Variants in CDH13 observed in about 807,000 individuals in gnomAD.
The protein encoded by CDH13 is cadherin 13.
CDH13 carries 24 observed loss-of-function variants against 63.8 expected under a neutral mutation model. The observed-to-expected ratio is 0.38, with a 90% CI of 0.27 to 0.53. The LOEUF (loss-of-function observed/expected upper bound fraction) is 0.53, where lower values mean the gene tolerates loss of function less well. Ranked by LOEUF, CDH13 falls within the 20% of genes least tolerant of loss-of-function variation. The probability of loss-of-function intolerance (pLI) is 0.85; values close to 1 mark genes in which losing one functional copy is unlikely to be tolerated. For missense variants in CDH13, 1,049 were observed against 903.1 expected, an observed-to-expected ratio of 1.16 and a Z score of -2.07; for synonymous variants, 503 against 355.3, an observed-to-expected ratio of 1.42 and a Z score of -4.67.
intron 5 of CDH13, among the ~76,000 whole-genome samples, chr16:83,232,038 C>T (rs916248576): frequency 2.0e-5 from 3 of 151,184 alleles, no homozygotes; most frequent in Admixed American, 6.6e-5. Context: ...GGACACAAGG[C>T]GGGCTTTTCA....
intron 10 of CDH13, among the ~76,000 whole-genome samples, chr16:83,704,755 C>T (rs13380665): frequency 0.19 from 28,663 of 152,048 alleles, 3,281 homozygotes; most frequent in African/African-American, 0.33. Context: ...AATGGTACTA[C>T]AATAGAAAAA....
At chr16:83,672,139 C>T (rs1381494295) in intron 9 of CDH13, among the ~76,000 whole-genome samples, 1 of 152,220 alleles carries the variant, frequency 6.6e-6, no homozygotes, top group Non-Finnish European at 1.5e-5. Flanking sequence ...TTCTGTGCAC[C>T]AGTTTCCTCA....
At chr16:83,703,039 C>G (rs1906483753) in intron 10 of CDH13, among the ~76,000 whole-genome samples, 1 of 152,210 alleles carries the variant, frequency 6.6e-6, no homozygotes, top group Admixed American at 6.5e-5. Context: ...GCCTATGTTT[C>G]CTTGGTTCCA....
intron 7 of CDH13, among the ~76,000 whole-genome samples, chr16:83,577,691 C>G (rs897504745): frequency 6.6e-6 from 1 of 152,178 alleles, no homozygotes; most frequent in Non-Finnish European, 1.5e-5. Flanking sequence ...CATCCGTCAC[C>G]CTGTGATGGA....
chr16:82,698,326 A>G (rs1314044058), intron 1 of CDH13, among the ~76,000 whole-genome samples: 1 of 152,248 alleles, frequency 6.6e-6, no homozygotes, highest in Non-Finnish European at 1.5e-5. Flanking sequence ...GTGAAGACCA[A>G]GGCAAAGAAC....
chr16:83,109,775 A>G (rs2034970079), intron 3 of CDH13, among the ~76,000 whole-genome samples: 1 of 152,240 alleles, frequency 6.6e-6, no homozygotes, highest in Admixed American at 6.5e-5. Context: ...ATATTTTATC[A>G]GTGCCAGAGC....
intron 5 of CDH13, among the ~76,000 whole-genome samples, chr16:83,344,122 G>A (rs888533859): frequency 1.3e-4 from 20 of 152,196 alleles, no homozygotes; most frequent in African/African-American, 4.6e-4. Context: ...TACTCTTATC[G>A]CTGAGTTAAA....
chr16:83,205,802 A>G (rs888337710), intron 4 of CDH13, among the ~76,000 whole-genome samples: 1 of 151,942 alleles, frequency 6.6e-6, no homozygotes, highest in East Asian at 1.9e-4. Context: ...ACGGGGTTTC[A>G]TTATGTTGGC....
intron 1 of CDH13, among the ~76,000 whole-genome samples, chr16:82,793,631 C>T (rs114840777): frequency 0.011 from 1,672 of 152,146 alleles, 24 homozygotes; most frequent in African/African-American, 0.033. Flanking sequence ...TTTTTATGCC[C>T]GATATAGTAA....
At chr16:82,708,449 C>G (rs1201830271) in intron 1 of CDH13, among the ~76,000 whole-genome samples, 2 of 152,194 alleles carry the variant, frequency 1.3e-5, no homozygotes, top group Non-Finnish European at 2.9e-5. Context: ...TTCTCTAGCT[C>G]TCACTCTCCA....
Position 82,773,724 on chromosome 16 carries a change from T to A in CDH13, c.46-84638T>A, listed in dbSNP as rs139925477. On this transcript the variant is annotated intron_variant, in intron 1 of 13. Coordinates refer to ENST00000567109, the MANE Select transcript of CDH13 (RefSeq NM_001257.5). ...ACTGAAAATAAATCTTGCCTTATGT[T>A]GCCAACATTGCATTTTTTTTTCTTT... Among the ~76,000 whole-genome samples the A allele has an allele frequency of 1.2e-3, 190 of 152,314 alleles. 1 individual carries two copies. Among genetic ancestry groups the A allele is most frequent in the East Asian group, 3.9e-3 (20 of 5,186 alleles).
intron 1 of CDH13, among the ~76,000 whole-genome samples, chr16:82,729,655 A>C (rs1388007067): frequency 6.6e-6 from 1 of 152,196 alleles, no homozygotes; most frequent in East Asian, 1.9e-4. Context: ...GTCAATGAGC[A>C]TTGGCTTCAA....
intron 3 of CDH13, among the ~76,000 whole-genome samples, chr16:83,065,324 C>A (rs1442622018): frequency 6.6e-6 from 1 of 152,132 alleles, no homozygotes; most frequent in Admixed American, 6.6e-5. Context: ...GTGAGTTGAT[C>A]AGCTATGTTG....
At chr16:83,670,614 TCA>T (rs1053544409) in intron 8 of CDH13, among the ~76,000 whole-genome samples, 174 bp from the exon 9 acceptor site, 4 of 152,216 alleles carry the variant, frequency 2.6e-5, no homozygotes. Context: ...TCTCGTGGCC[TCA>T]CCTAAGTTCA....
At chr16:83,707,018 A>G (rs1907180429) in intron 10 of CDH13, among the ~76,000 whole-genome samples, 1 of 152,184 alleles carries the variant, frequency 6.6e-6, no homozygotes, top group Admixed American at 6.5e-5. Flanking sequence ...CTCATGGGAA[A>G]ATGCAGGTGT....
chr16:83,452,320 A>T (rs1193131379), intron 6 of CDH13, among the ~76,000 whole-genome samples: 1 of 150,476 alleles, frequency 6.6e-6, no homozygotes, highest in Non-Finnish European at 1.5e-5. Flanking sequence ...CTCTTACATG[A>T]CTCATTTTTT....
chr16:82,947,004 CTGTG>C (rs3223223), intron 2 of CDH13, among the ~76,000 whole-genome samples: 6,614 of 134,904 alleles, frequency 0.049, 217 homozygotes, highest in Admixed American at 0.12. Flanking sequence ...GTGCGCACGC[CTGTG>C]TGTGTGTGTG....
At chr16:82,805,115 T>C (rs1471879742) in intron 1 of CDH13, among the ~76,000 whole-genome samples, 1 of 152,194 alleles carries the variant, frequency 6.6e-6, no homozygotes, top group Non-Finnish European at 1.5e-5. Context: ...CTTTTCACTT[T>C]CATTGTGTGT....
intron 7 of CDH13, among the ~76,000 whole-genome samples, chr16:83,518,532 G>A (rs1567731124): frequency 6.7e-6 from 1 of 149,838 alleles, no homozygotes; most frequent in South Asian, 2.1e-4. Context: ...GAGTGCAGTG[G>A]TGCAATGTTG....
Sources: gnomAD v4.1 joint callset for allele counts (sites outside exome capture counted in the v4.1 genomes callset) on GRCh38, gnomAD v4.1.1 for gene constraint, MANE v1.5 for transcripts, NCBI Gene and HGNC (gene_info 2026-07-23, HGNC 2026-07-21) for gene names.